Variants in DIS3L2 observed in about 807,000 individuals in gnomAD.
The protein encoded by DIS3L2 is DIS3 like 3'-5' exoribonuclease 2, also known as DIS3-like exonuclease 2.
DIS3L2 carries 34 observed loss-of-function variants against 97.5 expected under a neutral mutation model. That is an observed-to-expected ratio of 0.35 (90% CI 0.27 to 0.46). The LOEUF is 0.46. DIS3L2 is among the 20% of genes least tolerant of loss of function. The pLI, the probability that DIS3L2 is intolerant of heterozygous loss-of-function variation, is 1.00. For missense variants in DIS3L2, 1,038 were observed against 1,146.0 expected (o/e 0.91, Z 1.36); for synonymous variants, 435 against 445.2 (o/e 0.98, Z 0.29).
At chr2:232,303,180 C>T (rs999265281) in intron 14 of DIS3L2, among the ~76,000 whole-genome samples, 7 of 152,132 alleles carry the variant, frequency 4.6e-5, no homozygotes, top group African/African-American at 4.8e-5. Flanking sequence ...TGGTTGTGTA[C>T]GACGCTCTGT....
intron 6 of DIS3L2, among the ~76,000 whole-genome samples, chr2:232,099,680 T>C (rs937615801): frequency 6.6e-6 from 1 of 152,248 alleles, no homozygotes; most frequent in Non-Finnish European, 1.5e-5. Flanking sequence ...CCCTTGAAAT[T>C]TGGTAGAACT....
chr2:232,318,934 G>T (rs1452189471), intron 14 of DIS3L2, among the ~76,000 whole-genome samples: 1 of 152,142 alleles, frequency 6.6e-6, no homozygotes. Flanking sequence ...GAAACCCCAG[G>T]AGCATTCCAG....
At chr2:232,032,075 G>T (rs1694819807) in intron 5 of DIS3L2, among the ~76,000 whole-genome samples, 1 of 152,026 alleles carries the variant, frequency 6.6e-6, no homozygotes, top group South Asian at 2.1e-4. Context: ...GATCCTTGAA[G>T]AATCACCACA....
intron 20 of DIS3L2, 63 bp from the exon 21 acceptor site, chr2:232,336,406 C>T: frequency 6.4e-7 from 1 of 1,559,780 alleles, no homozygotes; most frequent in Non-Finnish European, 8.7e-7. Context: ...GGGATGGAGG[C>T]AGAGCTGCGC....
chr2:232,035,733 A>G (rs575165439), intron 5 of DIS3L2, among the ~76,000 whole-genome samples: 1 of 152,296 alleles, frequency 6.6e-6, no homozygotes, highest in South Asian at 2.1e-4. Flanking sequence ...ATGTCTGTAA[A>G]GGATTTTATT....
At chr2:232,171,780 T>C (rs1690997503) in intron 9 of DIS3L2, among the ~76,000 whole-genome samples, 8 of 152,294 alleles carry the variant, frequency 5.3e-5, no homozygotes, top group Admixed American at 4.6e-4. Context: ...CTAAAGTAGA[T>C]ACACAACTGG....
At chr2:232,290,814 A>G (rs1694580632) in intron 13 of DIS3L2, among the ~76,000 whole-genome samples, 2 of 152,240 alleles carry the variant, frequency 1.3e-5, no homozygotes, top group African/African-American at 4.8e-5. Flanking sequence ...CAGCCTCGCT[A>G]TAGACTTTCC....
intron 9 of DIS3L2, among the ~76,000 whole-genome samples, chr2:232,174,508 C>G (rs987363088): frequency 1.2e-4 from 17 of 147,214 alleles, no homozygotes; most frequent in African/African-American, 3.7e-4. Context: ...ATCGCTTGAA[C>G]CTGGGAGGTG....
chr2:232,086,163 TTATACGTA>T (rs969025224), intron 5 of DIS3L2, among the ~76,000 whole-genome samples: 5 of 147,648 alleles, frequency 3.4e-5, no homozygotes, highest in Admixed American at 1.3e-4. Context: ...TGTGTGTGCT[TTATACGTA>T]TATACGTATA....
At chr2:232,300,195 C>A in intron 14 of DIS3L2, 76 bp downstream of exon 14, 1 of 1,383,964 alleles carries the variant, frequency 7.2e-7, no homozygotes, top group Non-Finnish European at 1.0e-6. Context: ...TGACACTGAG[C>A]TTCCATTGCT....
At chr2:231,981,732 G>C (rs1305000762) in intron 1 of DIS3L2, among the ~76,000 whole-genome samples, 1 of 144,560 alleles carries the variant, frequency 6.9e-6, no homozygotes, top group South Asian at 2.2e-4. Flanking sequence ...CTTTTTTTTA[G>C]ATGTTTAATA....
chr2:231,962,307 GA>G (rs1427511409), intron 1 of DIS3L2, among the ~76,000 whole-genome samples: 12 of 152,022 alleles, frequency 7.9e-5, no homozygotes, highest in Admixed American at 4.6e-4. Flanking sequence ...AGATATGGGG[GA>G]TACGCATGCA....
At chr2:231,983,814 G>C (rs1466113054) in intron 1 of DIS3L2, among the ~76,000 whole-genome samples, 1 of 151,696 alleles carries the variant, frequency 6.6e-6, no homozygotes, top group African/African-American at 2.4e-5. Context: ...GCTTGAACCC[G>C]GGAGGTGGAG....
At chr2:232,044,907 G>A (rs1389303274) in intron 5 of DIS3L2, among the ~76,000 whole-genome samples, 2 of 152,132 alleles carry the variant, frequency 1.3e-5, no homozygotes, top group Non-Finnish European at 2.9e-5. Context: ...TGGGATTACA[G>A]GTGTGAGTCA....
chr2:232,314,145 C>T (rs1468888503), intron 14 of DIS3L2, among the ~76,000 whole-genome samples: 1 of 152,218 alleles, frequency 6.6e-6, no homozygotes, highest in Non-Finnish European at 1.5e-5. Context: ...TAAAGGGCTG[C>T]AGCCCTCCTC....
intron 6 of DIS3L2, among the ~76,000 whole-genome samples, chr2:232,088,474 A>T (rs1280063128): frequency 7.4e-4 from 111 of 150,802 alleles, no homozygotes; most frequent in African/African-American, 2.6e-3. Context: ...AGGCAGGAGA[A>T]TGGCGTGAAC....
rs1324941152 is a variant in DIS3L2 at position 232,249,403 on chromosome 2, G to A, written c.1425+57G>A. On this transcript the variant is annotated intron_variant, in intron 12 of 20. Transcript: ENST00000325385. ...ACCTCTTTTCTGTTCCATGAGTCAT[G>A]AAGCACTCACCATGTGCCTGGCACT... The A allele has an allele frequency of 4.5e-6, 7 of 1,551,026 alleles. No homozygotes were observed. In the Admixed American group the frequency reaches 5.4e-5, roughly 12 times the overall value.
At chr2:232,282,907 G>A (rs993598050) in intron 13 of DIS3L2, among the ~76,000 whole-genome samples, 4 of 152,194 alleles carry the variant, frequency 2.6e-5, no homozygotes, top group Non-Finnish European at 4.4e-5. Context: ...ACATGAAGGC[G>A]CCTGTTGGAA....
intron 7 of DIS3L2, among the ~76,000 whole-genome samples, chr2:232,132,443 G>GA (rs1285342762): frequency 6.6e-6 from 1 of 152,008 alleles, no homozygotes; most frequent in African/African-American, 2.4e-5. Flanking sequence ...GTAAACCCTG[G>GA]AAAAAACAAG....
Sources: gnomAD v4.1 joint callset for allele counts (sites outside exome capture counted in the v4.1 genomes callset) on GRCh38, gnomAD v4.1.1 for gene constraint, MANE v1.5 for transcripts, NCBI Gene and HGNC (gene_info 2026-07-23, HGNC 2026-07-21) for gene names.